Variants in NPM1 observed in about 807,000 individuals in gnomAD.
The protein encoded by NPM1 is nucleophosmin.
A neutral mutation model predicts 44.1 loss-of-function variants in NPM1; 1 was observed. That is an observed-to-expected ratio of 0.02 (90% CI 0.01 to 0.11). NPM1 has a LOEUF of 0.11. Ranked by LOEUF, NPM1 falls within the 10% of genes least tolerant of loss-of-function variation. The pLI is 1.00. For synonymous variants in NPM1, 126 were observed against 111.8 expected, an observed-to-expected ratio of 1.13 and a Z score of -0.80; for missense variants, 197 against 347.8, an observed-to-expected ratio of 0.57 and a Z score of 3.45.
chr5:171,408,212 C>T (rs551584166), intron 10 of NPM1, among the ~76,000 whole-genome samples: 22 of 149,950 alleles, frequency 1.5e-4, no homozygotes, highest in African/African-American at 5.4e-4. Context: ...AACATGAAAT[C>T]TGGAAGCAAG....
In NPM1 at chr5:171,391,413, G is replaced by A. The variant is rs1438414399; in HGVS notation, c.247G>A (p.Val83Ile). ...AACACTGGCAACTTTGAAAATGTCT[G>A]TACAGCCAACGGTAAGGGCACTTAC... Reference protein sequence around the residue: ...KVTLATLKMSVQPTVSLGGFE... With the variant: ...KVTLATLKMSIQPTVSLGGFE... The change falls in exon 3 of 11, where the codon GTA becomes ATA. Residue 83 changes from valine (V) to isoleucine (I), a missense_variant. Transcript: ENST00000296930. The A allele has an allele frequency of 1.9e-6, 3 of 1,607,774 alleles. No individual in the cohort carries two copies. Among genetic ancestry groups the A allele is most frequent in the South Asian group, 1.1e-5 (1 of 91,050 alleles).
At chr5:171,394,464 G>A (rs1215088376) in intron 6 of NPM1, among the ~76,000 whole-genome samples, 3 of 152,008 alleles carry the variant, frequency 2.0e-5, no homozygotes, top group East Asian at 1.9e-4. Flanking sequence ...ATGAGCCACC[G>A]TGCCCGGCCA....
chr5:171,407,879 A>G, intron 10 of NPM1, 105 bp downstream of exon 10: 1 of 677,884 alleles, frequency 1.5e-6, no homozygotes, highest in Non-Finnish European at 2.6e-6. Flanking sequence ...AAAAGTTCCT[A>G]ACCACAGATA....
At chr5:171,403,633 G>T (rs1251994592) in intron 8 of NPM1, among the ~76,000 whole-genome samples, 2 of 122,404 alleles carry the variant, frequency 1.6e-5, no homozygotes, top group African/African-American at 3.0e-5. Flanking sequence ...GCCGGGCAGG[G>T]GGGCTGACCC....
At chr5:171,401,639 T>C (rs747817049) in intron 8 of NPM1, among the ~76,000 whole-genome samples, 2 of 151,994 alleles carry the variant, frequency 1.3e-5, no homozygotes, top group Non-Finnish European at 2.9e-5. Context: ...GGTTTCACTC[T>C]ATATGTTGGC....
rs764571586 is a variant in NPM1, at chr5:171,400,113, A to G, written c.525-40A>G. The G allele has an allele frequency of 3.3e-6, 4 of 1,230,392 alleles. No individual in the cohort carries two copies. In the East Asian group the frequency reaches 9.3e-5, roughly 29 times the overall value. 76.2% of individuals were successfully genotyped at this position (1,230,392 alleles called of 1,614,324 possible). On this transcript the variant is annotated intron_variant, in intron 6 of 10. Coordinates refer to ENST00000296930, the MANE Select transcript of NPM1 (RefSeq NM_002520.7). ...CTTTCAATTCTTGTGTCTACTCCCA[A>G]ATTTTGAAAGTGCTTAATGTCTTGA...
chr5:171,405,687 G>GT (rs1228662605), intron 9 of NPM1: 1 of 360,242 alleles, frequency 2.8e-6, no homozygotes, highest in Non-Finnish European at 5.0e-6. Flanking sequence ...AAATAGATCA[G>GT]TGAAAACCCT....
chr5:171,400,152 GTGA>G lies in NPM1; in HGVS notation c.538_540del (p.Asp180del), dbSNP rs746541921. ...TTAATGTCTTGACATTTCATTTGTAGTGATGATGATGATGATTTTGATGATGAG... is the reference window on the plus strand; with the variant it reads ...TTAATGTCTTGACATTTCATTTGTAGTGATGATGATGATTTTGATGATGAG... On this transcript the variant is annotated inframe_deletion and splice_region_variant, in exon 7 of 11. Coordinates refer to ENST00000296930, the MANE Select transcript of NPM1 (RefSeq NM_002520.7). 1.8e-4 allele frequency: 265 copies of G among 1,501,824 alleles called. 1 individual carries two copies. Among genetic ancestry groups the G allele is most frequent in the South Asian group, 6.7e-4 (59 of 87,898 alleles). The allele number at this position is 1,501,824 out of a possible 1,614,324, so 93.0% of individuals were successfully genotyped here. A position where few individuals can be genotyped will look rare whatever the true frequency, so the allele number is the denominator to read the frequency against.
At chr5:171,408,077 G>A (rs1244911709) in intron 10 of NPM1, among the ~76,000 whole-genome samples, 1 of 150,976 alleles carries the variant, frequency 6.6e-6, no homozygotes, top group Non-Finnish European at 1.5e-5. Context: ...AATTGCTGTG[G>A]TTTTCCTTGC....
At chr5:171,406,358 C>T (rs1037724926) in intron 9 of NPM1, 3 of 1,570,102 alleles carry the variant, frequency 1.9e-6, no homozygotes. Flanking sequence ...CCCCTCCCCT[C>T]CATTTTAATA....
intron 6 of NPM1, among the ~76,000 whole-genome samples, chr5:171,398,863 T>A (rs1199971779): frequency 6.6e-6 from 1 of 152,182 alleles, no homozygotes; most frequent in Non-Finnish European, 1.5e-5. Flanking sequence ...TCTGTGGTTT[T>A]TATTTATTTA....
Position 171,406,292 on chromosome 5 carries a change from G to T in NPM1, c.771+889G>T, listed in dbSNP as rs1771562636. 5 of 987,830 alleles carry T rather than the reference G, an allele frequency of 5.1e-6. No homozygotes were observed. The Admixed American group carries it at 8.5e-5, about 17-fold the overall frequency. 61.2% of individuals were successfully genotyped at this position (987,830 alleles called of 1,614,324 possible). ...ACACTGTAAACCCTTTAGCCTTCCT[G>T]GTTATCACTGATTTTTGTCCCTTGG... On this transcript the variant is annotated intron_variant, in intron 9 of 10. Transcript: ENST00000296930.
In NPM1 at chr5:171,387,893, A is replaced by C. The variant is rs189577643; in HGVS notation, c.-56A>C. On this transcript the variant is annotated 5_prime_UTR_variant, in exon 1 of 11. Transcript: ENST00000296930. ...GTCCTGCGCGGTTGTTCTCTGGAGC[A>C]GCGTTCTTTTATCTCCGTCCGCCTT... 1 of 1,540,190 alleles carries C rather than the reference A, an allele frequency of 6.5e-7. No individual in the cohort carries two copies. Among genetic ancestry groups the C allele is most frequent in the Non-Finnish European group, 9.0e-7 (1 of 1,114,884 alleles).
chr5:171,388,409 C>T (rs1770382782), intron 1 of NPM1, among the ~76,000 whole-genome samples: 1 of 152,160 alleles, frequency 6.6e-6, no homozygotes, highest in Admixed American at 6.5e-5. Context: ...GCTGGGTTCA[C>T]CGGGAAGCAT....
In NPM1 at chr5:171,388,017, G is replaced by C. The variant is rs202168880; in HGVS notation, c.58+11G>C. On this transcript the variant is annotated intron_variant, in intron 1 of 10. Coordinates refer to ENST00000296930, the MANE Select transcript of NPM1 (RefSeq NM_002520.7). ...AGAACTATCTTTTCGGTAACTGCTG[G>C]GGGGAGCTGGAGCGAGGCCGAGCGG... 53 of 1,612,070 alleles carry C rather than the reference G, an allele frequency of 3.3e-5. No individual in the cohort carries two copies. Among genetic ancestry groups the C allele is most frequent in the Non-Finnish European group, 4.2e-5 (49 of 1,179,176 alleles).
chr5:171,393,617 G>A (rs1672075175), intron 6 of NPM1, among the ~76,000 whole-genome samples: 2 of 137,300 alleles, frequency 1.5e-5, no homozygotes, highest in South Asian at 2.5e-4. Context: ...TACCAGTAAT[G>A]CATTGAATAC....
intron 2 of NPM1, among the ~76,000 whole-genome samples, chr5:171,390,876 C>A (rs928402317): frequency 1.3e-5 from 2 of 152,114 alleles, no homozygotes; most frequent in Non-Finnish European, 2.9e-5. Flanking sequence ...GCATGTGCCA[C>A]CACACCTGGC....
rs1238870812 is a variant in NPM1 at position 171,400,136 on chromosome 5, T to TG, written c.525-16dup. 6.9e-7 allele frequency: 1 copy of TG among 1,454,470 alleles called. No individual in the cohort carries two copies. Among genetic ancestry groups the TG allele is most frequent in the East Asian group, 2.3e-5 (1 of 44,080 alleles). The allele number at this position is 1,454,470 out of a possible 1,614,324, so 90.1% of individuals were successfully genotyped here. A position where few individuals can be genotyped will look rare whatever the true frequency, so the allele number is the denominator to read the frequency against. On this transcript the variant is annotated splice_polypyrimidine_tract_variant and intron_variant, in intron 6 of 10. Transcript: ENST00000296930. Reference sequence around the variant, plus strand: ...CAAATTTTGAAAGTGCTTAATGTCTTGACATTTCATTTGTAGTGATGATGA... The same window carrying TG: ...CAAATTTTGAAAGTGCTTAATGTCTTGGACATTTCATTTGTAGTGATGATGA...
intron 1 of NPM1, among the ~76,000 whole-genome samples, chr5:171,388,835 T>C (rs1770419928): frequency 6.6e-6 from 1 of 152,242 alleles, no homozygotes; most frequent in South Asian, 2.1e-4. Context: ...ATGAGGATAC[T>C]GGTGCCCAGA....
Sources: allele counts gnomAD v4.1 joint callset (sites outside exome capture counted in the v4.1 genomes callset), GRCh38; gene constraint gnomAD v4.1.1; transcripts MANE v1.5; gene names NCBI Gene and HGNC (gene_info 2026-07-23, HGNC 2026-07-21).